The following PECR variants were observed in gnomAD, a reference collection of about 807,000 sequenced individuals.
The protein encoded by PECR is peroxisomal trans-2-enoyl-CoA reductase.
PECR carries 30 observed loss-of-function variants against 35.3 expected under a neutral mutation model. The observed-to-expected ratio is 0.85, with a 90% confidence interval of 0.64 to 1.15. PECR has a LOEUF of 1.15. PECR is among the 50% of genes most tolerant of loss of function. The pLI, the probability that PECR is intolerant of heterozygous loss-of-function variation, is 0.00. For synonymous variants in PECR, 148 were observed against 138.9 expected (o/e 1.07, Z -0.46); for missense variants, 392 against 370.8 (o/e 1.06, Z -0.47).
At chr2:216,058,433 T>C (rs1009754013) in intron 4 of PECR, among the ~76,000 whole-genome samples, 1 of 152,148 alleles carries the variant, frequency 6.6e-6, no homozygotes, top group Admixed American at 6.5e-5. Context: ...TTAGAAACTT[T>C]TGGAGAAAAA....
At chr2:216,042,179 T>A (rs1281311096) in intron 7 of PECR, among the ~76,000 whole-genome samples, 2 of 152,168 alleles carry the variant, frequency 1.3e-5, no homozygotes, top group African/African-American at 4.8e-5. Context: ...ATCTCCAGTG[T>A]CAGAACTGAA....
intron 7 of PECR, among the ~76,000 whole-genome samples, chr2:216,043,064 T>C (rs1694924044): frequency 4.5e-5 from 2 of 44,456 alleles, no homozygotes; most frequent in South Asian, 1.2e-3. Context: ...CATACGTATA[T>C]ATGTATGTAT....
intron 7 of PECR, among the ~76,000 whole-genome samples, chr2:216,029,414 G>A (rs1007850594): frequency 2.0e-5 from 3 of 152,098 alleles, no homozygotes; most frequent in Non-Finnish European, 4.4e-5. Context: ...GGAGGTAGAG[G>A]TTGCAGTGAG....
intron 3 of PECR, among the ~76,000 whole-genome samples, chr2:216,061,967 A>AGT (rs1318729030): frequency 2.1e-5 from 3 of 144,798 alleles, no homozygotes; most frequent in African/African-American, 8.1e-5. Flanking sequence ...AGTGTGTGTG[A>AGT]GTATGTGTGT....
chr2:216,078,417 G>A (rs1485990473), intron 1 of PECR, among the ~76,000 whole-genome samples: 1 of 151,820 alleles, frequency 6.6e-6, no homozygotes, highest in South Asian at 2.1e-4. Flanking sequence ...TGGATCATAA[G>A]GTCAGGAGTT....
chr2:216,043,071 G>GTA (rs71047966), intron 7 of PECR, among the ~76,000 whole-genome samples: 122,314 of 127,748 alleles, frequency 0.96, 58,746 homozygotes, highest in Middle Eastern at 0.99. Flanking sequence ...ATATATGTAT[G>GTA]TATATATATA....
intron 4 of PECR, among the ~76,000 whole-genome samples, chr2:216,051,941 C>T (rs967673528): frequency 6.6e-6 from 1 of 152,222 alleles, no homozygotes; most frequent in African/African-American, 2.4e-5. Flanking sequence ...AATCCTAGCA[C>T]TTTGGGAGGC....
intron 1 of PECR, among the ~76,000 whole-genome samples, chr2:216,080,712 T>A (rs1695821686): frequency 6.6e-6 from 1 of 152,262 alleles, no homozygotes; most frequent in Non-Finnish European, 1.5e-5. Flanking sequence ...TACTGTTTCA[T>A]ATTTTATTAC....
At chr2:216,081,108 T>C (rs1695834361) in intron 1 of PECR, among the ~76,000 whole-genome samples, 1 of 152,264 alleles carries the variant, frequency 6.6e-6, no homozygotes, top group African/African-American at 2.4e-5. Context: ...TTGATTTATG[T>C]TCTCCTTTGT....
chr2:216,045,643 A>G (rs1334091752), intron 6 of PECR, among the ~76,000 whole-genome samples: 1 of 152,252 alleles, frequency 6.6e-6, no homozygotes, highest in African/African-American at 2.4e-5. Context: ...CACTATTTAA[A>G]AGGTCCCACA....
chr2:216,066,738 T>C (rs528369545), intron 1 of PECR, among the ~76,000 whole-genome samples: 11 of 152,256 alleles, frequency 7.2e-5, no homozygotes, highest in Admixed American at 6.5e-5. Flanking sequence ...CAGGCTAGAG[T>C]GCAGTGGCTT....
intron 7 of PECR, among the ~76,000 whole-genome samples, chr2:216,041,093 G>A (rs1195808842): frequency 6.6e-5 from 10 of 152,006 alleles, no homozygotes; most frequent in Non-Finnish European, 1.5e-4. Context: ...GTGAAAGGCT[G>A]AATAATCTCA....
At chr2:216,066,344 T>C in intron 2 of PECR, 41 bp downstream of exon 2, 1 of 1,574,756 alleles carries the variant, frequency 6.4e-7, no homozygotes, top group Non-Finnish European at 8.7e-7. Flanking sequence ...CTACTGCAAA[T>C]TACAATGAAT....
chr2:216,068,468 T>C (rs1312435079), intron 1 of PECR, among the ~76,000 whole-genome samples: 1 of 151,938 alleles, frequency 6.6e-6, no homozygotes. Flanking sequence ...AGTGAAAATA[T>C]CTCTCAAAAA....
At chr2:216,054,816 A>C (rs1299436600) in intron 4 of PECR, among the ~76,000 whole-genome samples, 6 of 152,124 alleles carry the variant, frequency 3.9e-5, no homozygotes, top group African/African-American at 1.2e-4. Context: ...GGGTTATTCA[A>C]AGATACTTAA....
intron 1 of PECR, among the ~76,000 whole-genome samples, chr2:216,077,091 G>A (rs1321510292): frequency 1.3e-5 from 2 of 151,772 alleles, no homozygotes; most frequent in Non-Finnish European, 2.9e-5. Flanking sequence ...TAGAGATGGG[G>A]TTTCTATATG....
intron 3 of PECR, among the ~76,000 whole-genome samples, chr2:216,061,056 CA>C: frequency 7.0e-6 from 1 of 142,710 alleles, no homozygotes; most frequent in South Asian, 2.2e-4. Context: ...CTTTGAGAGG[CA>C]GAGGCGGATG....
chr2:216,031,581 AAGAAGGAAAGAAAAG>A (rs1395767731), intron 7 of PECR, among the ~76,000 whole-genome samples: 2 of 140,756 alleles, frequency 1.4e-5, no homozygotes, highest in Admixed American at 1.4e-4. Context: ...GAAGGAAAGA[AAGAAGGAAAGAAAAG>A]AAGGAAAGAA....
In PECR at chr2:216,039,240, G is replaced by A; in HGVS notation, c.*35C>T. ...AGAAGCATATCCTCAAGATGTGAAGGCACTGGGGGATGGAGGACACCTTGT... is the reference window on the plus strand; with the variant it reads ...AGAAGCATATCCTCAAGATGTGAAGACACTGGGGGATGGAGGACACCTTGT... On this transcript the variant is annotated 3_prime_UTR_variant, in exon 8 of 8. Transcript: ENST00000265322. 1 of 1,040,616 alleles carries A rather than the reference G, an allele frequency of 9.6e-7. No individual in the cohort carries two copies. The highest frequency in any genetic ancestry group is 1.5e-6 in the Non-Finnish European group (1 of 656,402). 64.5% of individuals were successfully genotyped at this position (1,040,616 alleles called of 1,614,324 possible).
Sources: gnomAD v4.1 joint callset for allele counts (sites outside exome capture counted in the v4.1 genomes callset) on GRCh38, gnomAD v4.1.1 for gene constraint, MANE v1.5 for transcripts, NCBI Gene and HGNC (gene_info 2026-07-23, HGNC 2026-07-21) for gene names.